UBE4B: variants seen among roughly 807,000 people sequenced by gnomAD.
The protein encoded by UBE4B is ubiquitination factor E4B.
UBE4B carries 27 observed loss-of-function variants against 148.1 expected under a neutral mutation model. The observed-to-expected ratio is 0.18, with a 90% CI of 0.13 to 0.25. The LOEUF is 0.25. Among genes scored for constraint, UBE4B ranks in the 10% least tolerant of loss-of-function variants. The pLI is 1.00. For synonymous variants in UBE4B, 596 were observed against 619.3 expected (o/e 0.96, Z 0.56); for missense variants, 1,170 against 1,662.4 (o/e 0.70, Z 5.15).
chr1:10,116,317 A>G (rs1257982014), intron 7 of UBE4B, among the ~76,000 whole-genome samples: 3 of 151,986 alleles, frequency 2.0e-5, no homozygotes, highest in Non-Finnish European at 2.9e-5. Context: ...AAATTTTTGT[A>G]TTTTTAGTAG....
chr1:10,161,789 C>T lies in UBE4B; in HGVS notation c.3198+503C>T, dbSNP rs6667049. Among the ~76,000 whole-genome samples, 45,162 of 151,986 alleles carry T rather than the reference C, an allele frequency of 0.3. 11,248 individuals carry two copies. The highest frequency in any genetic ancestry group is 0.69 in the African/African-American group (28,425 of 41,424). On this transcript the variant is annotated intron_variant, in intron 23 of 27. Coordinates refer to ENST00000343090, the MANE Select transcript of UBE4B (RefSeq NM_001105562.3). The surrounding 1 kb of genome is among the most constrained non-coding windows in gnomAD (Gnocchi z 4.1). The stretch of plus-strand genomic sequence containing the variant: ...GCCAGGTTCCATGGAAAGCACGTGC[C>T]GTGCCAGTACCAGTGCTCTTTCCTG...
chr1:10,088,270 A>ATCAAAGTGATTTTCTAATTCCGGCTTT (rs1644793175), intron 2 of UBE4B, among the ~76,000 whole-genome samples: 1 of 152,186 alleles, frequency 6.6e-6, no homozygotes, highest in Non-Finnish European at 1.5e-5. Context: ...AAATATGAAG[A>ATCAAAGTGATTTTCTAATTCCGGCTTT]TCAAAGTGAT....
chr1:10,140,264 A>G (rs1302076461), intron 17 of UBE4B, among the ~76,000 whole-genome samples: 2 of 152,068 alleles, frequency 1.3e-5, no homozygotes, highest in Non-Finnish European at 2.9e-5. Context: ...TTCTTAGGGT[A>G]TTTGTCTATG....
intron 2 of UBE4B, chr1:10,072,737 A>G: frequency 2.3e-6 from 1 of 430,892 alleles, no homozygotes; most frequent in Non-Finnish European, 4.1e-6. Flanking sequence ...CTGATGCTTG[A>G]TATCCAGGAC....
intron 25 of UBE4B, among the ~76,000 whole-genome samples, chr1:10,175,574 C>T (rs961528970): frequency 1.6e-3 from 244 of 152,188 alleles, no homozygotes; most frequent in Admixed American, 6.5e-3. Context: ...TGGCGTGAAC[C>T]TGGGAGGTGG....
intron 1 of UBE4B, among the ~76,000 whole-genome samples, chr1:10,065,368 A>G (rs1210323872): frequency 6.6e-6 from 1 of 152,176 alleles, no homozygotes; most frequent in Non-Finnish European, 1.5e-5. Flanking sequence ...AGGAAGGCAC[A>G]GCTCCACAAT....
intron 27 of UBE4B, 129 bp from the exon 28 acceptor site, chr1:10,179,766 T>G (rs1384061460): frequency 7.3e-7 from 1 of 1,373,674 alleles, no homozygotes. Context: ...GTCCCAGTCC[T>G]TCTGGAGTCT....
At chr1:10,114,466 C>A (rs1645273954) in intron 7 of UBE4B, among the ~76,000 whole-genome samples, 1 of 152,058 alleles carries the variant, frequency 6.6e-6, no homozygotes, top group African/African-American at 2.4e-5. Flanking sequence ...TGTGTTTTTC[C>A]TGTGCTTTAT....
intron 1 of UBE4B, among the ~76,000 whole-genome samples, chr1:10,038,794 C>T (rs1643646654): frequency 6.6e-6 from 1 of 152,034 alleles, no homozygotes; most frequent in Non-Finnish European, 1.5e-5. Context: ...ATGCCTGTCG[C>T]GTTAAAAATT....
rs909513263 is a variant in UBE4B, at chr1:10,173,072, C to T, written c.3525+1743C>T. Among the ~76,000 whole-genome samples, 6 of 152,244 alleles carry T rather than the reference C, an allele frequency of 3.9e-5. No homozygotes were observed. In the South Asian group the frequency reaches 1.0e-3, roughly 26 times the overall value. On this transcript the variant is annotated intron_variant, in intron 25 of 27. Coordinates refer to ENST00000343090, the MANE Select transcript of UBE4B (RefSeq NM_001105562.3). Reference sequence around the variant, plus strand: ...GATGTTTACACAGCAACGAAATTGCCTAACAAGACATTTCTCAGAGCGACA... The same window carrying T: ...GATGTTTACACAGCAACGAAATTGCTTAACAAGACATTTCTCAGAGCGACA...
At chr1:10,064,810 C>T (rs1430417616) in intron 1 of UBE4B, among the ~76,000 whole-genome samples, 2 of 150,898 alleles carry the variant, frequency 1.3e-5, no homozygotes, top group Admixed American at 1.3e-4. Context: ...GTTGCCCAGG[C>T]TGGAGTGCAA....
At chr1:10,116,866 AT>A (rs1645319057) in intron 7 of UBE4B, among the ~76,000 whole-genome samples, 2 of 152,150 alleles carry the variant, frequency 1.3e-5, no homozygotes, top group Admixed American at 1.3e-4. Context: ...CTAGTACAAT[AT>A]TTTTGTTTTG....
At chr1:10,158,534 A>G (rs762855054) in intron 22 of UBE4B, 52 bp downstream of exon 22, 3 of 1,596,910 alleles carry the variant, frequency 1.9e-6, no homozygotes, top group Admixed American at 3.4e-5. Context: ...AATCGCAGGT[A>G]GGATTGCAGC....
intron 2 of UBE4B, among the ~76,000 whole-genome samples, chr1:10,073,768 C>T (rs986847510): frequency 5.3e-5 from 8 of 152,012 alleles, no homozygotes; most frequent in African/African-American, 1.7e-4. Flanking sequence ...ATCACAAACT[C>T]GGGTAGACCC....
At chr1:10,039,225 C>T (rs914341695) in intron 1 of UBE4B, among the ~76,000 whole-genome samples, 3 of 151,950 alleles carry the variant, frequency 2.0e-5, no homozygotes, top group Admixed American at 6.6e-5. Flanking sequence ...GAAGGGACCC[C>T]GGGAGAGGCA....
At chr1:10,113,966 G>A (rs1645263417) in intron 7 of UBE4B, among the ~76,000 whole-genome samples, 1 of 151,484 alleles carries the variant, frequency 6.6e-6, no homozygotes, top group African/African-American at 2.4e-5. Context: ...TCAGGAGGCT[G>A]AGGCAGGAGA....
chr1:10,134,133 C>G (rs1645638853), intron 15 of UBE4B, among the ~76,000 whole-genome samples: 1 of 152,060 alleles, frequency 6.6e-6, no homozygotes, highest in Non-Finnish European at 1.5e-5. Flanking sequence ...ACTTCAGGGT[C>G]TCTGAGTCTT....
chr1:10,051,491 G>A lies in UBE4B; in HGVS notation c.24+17797G>A, dbSNP rs373178187. On this transcript the variant is annotated intron_variant, in intron 1 of 27. Transcript: ENST00000343090. Reference sequence around the variant, plus strand: ...TAGTGGTATCTTACTAGTTAAGGTAGCAAATAGACCGTGGCTTATGTGAAA... The same window carrying A: ...TAGTGGTATCTTACTAGTTAAGGTAACAAATAGACCGTGGCTTATGTGAAA... Among the ~76,000 whole-genome samples, 122 of 152,248 alleles carry A rather than the reference G, an allele frequency of 8.0e-4. 1 individual carries two copies. Among genetic ancestry groups the A allele is most frequent in the African/African-American group, 2.8e-3 (115 of 41,538 alleles).
chr1:10,082,434 G>C (rs1644697828), intron 2 of UBE4B, among the ~76,000 whole-genome samples: 1 of 152,106 alleles, frequency 6.6e-6, no homozygotes, highest in Non-Finnish European at 1.5e-5. Flanking sequence ...CTGGGAAGTA[G>C]AGGTAGCAGT....
Sources: allele counts gnomAD v4.1 joint callset (sites outside exome capture counted in the v4.1 genomes callset), GRCh38; gene constraint gnomAD v4.1.1; non-coding constraint Gnocchi (gnomAD v3.1); transcripts MANE v1.5; gene names NCBI Gene and HGNC (gene_info 2026-07-23, HGNC 2026-07-21).